The following RIN2 variants were observed in gnomAD, a reference collection of about 807,000 sequenced individuals.
RIN2 encodes the protein RAB5 interacting protein 2.
Under a neutral mutation model 78.0 loss-of-function variants are expected in RIN2, and 36 were observed. The ratio of observed to expected loss-of-function variants is 0.46; its 90% CI spans 0.35 to 0.61. The LOEUF (loss-of-function observed/expected upper bound fraction) is 0.61, where lower values mean the gene tolerates loss of function less well. Among genes scored for constraint, RIN2 ranks in the 20% least tolerant of loss-of-function variants. RIN2 has a pLI of 0.00. For missense variants in RIN2, 1,087 were observed against 1,159.7 expected, an observed-to-expected ratio of 0.94 and a Z score of 0.91; for synonymous variants, 466 against 466.8, an observed-to-expected ratio of 1.00 and a Z score of 0.02.
At chr20:19,825,527 C>G (rs1392600976) in intron 2 of RIN2, among the ~76,000 whole-genome samples, 1 of 152,200 alleles carries the variant, frequency 6.6e-6, no homozygotes, top group Non-Finnish European at 1.5e-5. Context: ...TGGCCAGGTT[C>G]CTGTTCTCTC....
chr20:19,775,703 G>C (rs1568740860), intron 1 of RIN2, among the ~76,000 whole-genome samples: 1 of 152,232 alleles, frequency 6.6e-6, no homozygotes, highest in Admixed American at 6.5e-5. Flanking sequence ...ATGTTAATCA[G>C]TGGTAGAACA....
chr20:19,857,842 T>A (rs910236444), intron 2 of RIN2, among the ~76,000 whole-genome samples: 1 of 152,044 alleles, frequency 6.6e-6, no homozygotes, highest in Non-Finnish European at 1.5e-5. Context: ...TAATAATAAT[T>A]TGGATTTTCC....
At chr20:19,960,635 C>T (rs1200039813) in intron 5 of RIN2, 65 bp from the exon 6 acceptor site, 5 of 1,212,290 alleles carry the variant, frequency 4.1e-6, no homozygotes, top group Non-Finnish European at 4.8e-6. Flanking sequence ...GTGAGGGAAA[C>T]CAGATGCTTG....
chr20:19,881,260 G>T (rs758718484), intron 2 of RIN2, among the ~76,000 whole-genome samples: 4 of 152,180 alleles, frequency 2.6e-5, no homozygotes, highest in Non-Finnish European at 2.9e-5. Context: ...AACCAGCCAT[G>T]ATGGGAGTAT....
intron 9 of RIN2, among the ~76,000 whole-genome samples, chr20:19,983,823 C>T (rs1241273634): frequency 6.6e-6 from 1 of 152,136 alleles, no homozygotes; most frequent in Non-Finnish European, 1.5e-5. Context: ...CCCTCACCTC[C>T]CTCCCACCCT....
At chr20:19,841,767 T>G (rs2036583873) in intron 2 of RIN2, among the ~76,000 whole-genome samples, 1 of 152,182 alleles carries the variant, frequency 6.6e-6, no homozygotes, top group African/African-American at 2.4e-5. Context: ...GAAGGCTAAG[T>G]CACATGAGGA....
chr20:19,778,088 C>T (rs1252381238), intron 1 of RIN2, among the ~76,000 whole-genome samples: 4 of 152,208 alleles, frequency 2.6e-5, no homozygotes, highest in African/African-American at 9.7e-5. Flanking sequence ...AAAACTAAGT[C>T]CCCTGATACA....
At chr20:19,801,863 G>A (rs556991805) in intron 2 of RIN2, among the ~76,000 whole-genome samples, 5 of 152,134 alleles carry the variant, frequency 3.3e-5, no homozygotes, top group Non-Finnish European at 5.9e-5. Flanking sequence ...GTCTTATCAT[G>A]ATGTTGTAGG....
chr20:19,897,924 G>A (rs564941566), intron 3 of RIN2, among the ~76,000 whole-genome samples: 31 of 152,184 alleles, frequency 2.0e-4, no homozygotes, highest in Middle Eastern at 6.8e-3. Context: ...TCGTTGCCCC[G>A]TCTGGTCTTG....
intron 3 of RIN2, among the ~76,000 whole-genome samples, chr20:19,916,982 A>G (rs2039709191): frequency 6.6e-6 from 1 of 152,064 alleles, no homozygotes; most frequent in Admixed American, 6.6e-5. Flanking sequence ...GAAAAGTACA[A>G]CTCAGAGTTT....
At chr20:19,939,474 C>A (rs1255073854) in intron 4 of RIN2, among the ~76,000 whole-genome samples, 1 of 152,192 alleles carries the variant, frequency 6.6e-6, no homozygotes, top group Admixed American at 6.5e-5. Flanking sequence ...CATGGTGAAC[C>A]TTTTAGTTCA....
chr20:19,768,154 G>A (rs1311327026), intron 1 of RIN2, among the ~76,000 whole-genome samples: 1 of 152,158 alleles, frequency 6.6e-6, no homozygotes, highest in Non-Finnish European at 1.5e-5. Flanking sequence ...CTCTCCCTAT[G>A]TTTTGATCTA....
chr20:19,835,119 G>A (rs1431999291), intron 2 of RIN2, among the ~76,000 whole-genome samples: 1 of 128,018 alleles, frequency 7.8e-6, no homozygotes, highest in Non-Finnish European at 1.7e-5. Context: ...AAAGAGGGAG[G>A]AAGGAAGAAA....
At chr20:19,926,371 T>C (rs2040221643) in intron 3 of RIN2, among the ~76,000 whole-genome samples, 2 of 152,106 alleles carry the variant, frequency 1.3e-5, no homozygotes. Flanking sequence ...TCCAAAGGTG[T>C]GCTTGCATCA....
intron 11 of RIN2, 48 bp downstream of exon 11, chr20:19,992,347 A>G: frequency 6.6e-7 from 1 of 1,506,046 alleles, no homozygotes; most frequent in Non-Finnish European, 8.9e-7. Flanking sequence ...TATTTTTTTC[A>G]TTTTTTTATA....
At chr20:19,767,380 T>G (rs1253545764) in intron 1 of RIN2, among the ~76,000 whole-genome samples, 1 of 152,124 alleles carries the variant, frequency 6.6e-6, no homozygotes, top group Non-Finnish European at 1.5e-5. Flanking sequence ...TATGGCCAGT[T>G]TTTACACAGA....
At chr20:19,834,267 C>A (rs931136787) in intron 2 of RIN2, among the ~76,000 whole-genome samples, 1 of 152,160 alleles carries the variant, frequency 6.6e-6, no homozygotes, top group Non-Finnish European at 1.5e-5. Context: ...ATTCACATCC[C>A]CTCATTCAGC....
intron 2 of RIN2, 44 bp downstream of exon 2, chr20:19,799,791 C>T (rs966019962): frequency 1.3e-5 from 2 of 152,128 alleles, no homozygotes; most frequent in Admixed American, 6.5e-5. Flanking sequence ...GCCACCCCAG[C>T]GTTTTCTTCA....
At chr20:19,786,288 G>A (rs567229680) in intron 1 of RIN2, among the ~76,000 whole-genome samples, 1 of 152,292 alleles carries the variant, frequency 6.6e-6, no homozygotes, top group African/African-American at 2.4e-5. Flanking sequence ...CCACCTTGCT[G>A]TCTGGTACAT....
Sources: gnomAD v4.1 joint callset for allele counts (sites outside exome capture counted in the v4.1 genomes callset) on GRCh38, gnomAD v4.1.1 for gene constraint, MANE v1.5 for transcripts, NCBI Gene and HGNC (gene_info 2026-07-23, HGNC 2026-07-21) for gene names.